The following ZC3H3 variants were observed in gnomAD, a reference collection of about 807,000 sequenced individuals.
ZC3H3 encodes the protein zinc finger CCCH-type containing 3, also known as zinc finger CCCH domain-containing protein 3.
A neutral mutation model predicts 77.3 loss-of-function variants in ZC3H3; 36 were observed. That is an observed-to-expected ratio of 0.47 (90% CI 0.36 to 0.61). The LOEUF is 0.61. Ranked by LOEUF, ZC3H3 falls within the 20% of genes least tolerant of loss-of-function variation. The pLI is 0.00. For missense variants in ZC3H3, 1,331 were observed against 1,312.2 expected (o/e 1.01, Z -0.22); for synonymous variants, 626 against 555.2 (o/e 1.13, Z -1.79).
intron 9 of ZC3H3, among the ~76,000 whole-genome samples, chr8:143,457,564 C>T (rs1202292824): frequency 2.3e-5 from 2 of 87,170 alleles, no homozygotes; most frequent in Non-Finnish European, 5.1e-5. Context: ...GACCTCATCC[C>T]TATAAAAAAA....
chr8:143,500,622 C>T (rs976433530), intron 4 of ZC3H3, among the ~76,000 whole-genome samples: 5 of 152,192 alleles, frequency 3.3e-5, no homozygotes, highest in African/African-American at 1.2e-4. Context: ...AGCATGGTGC[C>T]GGCACCAGGT....
chr8:143,449,141 G>C (rs572457457), intron 9 of ZC3H3, among the ~76,000 whole-genome samples: 1 of 152,350 alleles, frequency 6.6e-6, no homozygotes, highest in South Asian at 2.1e-4. Context: ...AGTGATGGGA[G>C]GGTCTGACAT....
rs374724220 is a variant in ZC3H3, at chr8:143,475,357, G to A, written c.1903+41C>T. Reference sequence around the variant, plus strand: ...CTGCAATGCCCACCACACGCTAGCCGGTCGGTGTCATCTCCCAGCGCCCCC... The same window carrying A: ...CTGCAATGCCCACCACACGCTAGCCAGTCGGTGTCATCTCCCAGCGCCCCC... On this transcript the variant is annotated intron_variant, in intron 5 of 11. Transcript: ENST00000262577. The A allele has an allele frequency of 8.3e-5, 132 of 1,588,212 alleles. No individual in the cohort carries two copies. The African/African-American group carries it at 1.1e-3, about 14-fold the overall frequency.
intron 9 of ZC3H3, among the ~76,000 whole-genome samples, chr8:143,457,343 C>A (rs1434196765): frequency 6.6e-6 from 1 of 152,168 alleles, no homozygotes; most frequent in Non-Finnish European, 1.5e-5. Context: ...ATAGGCAATA[C>A]TCTGGTTTCT....
At chr8:143,478,166 G>A (rs1187819996) in intron 4 of ZC3H3, among the ~76,000 whole-genome samples, 1 of 152,206 alleles carries the variant, frequency 6.6e-6, no homozygotes, top group African/African-American at 2.4e-5. Flanking sequence ...GAGATGGTTG[G>A]GAGGGAGGCC....
chr8:143,515,783 C>G (rs1264045074), intron 3 of ZC3H3, among the ~76,000 whole-genome samples: 1 of 152,252 alleles, frequency 6.6e-6, no homozygotes, highest in East Asian at 1.9e-4. Context: ...CAGGCAGGGG[C>G]TGGGCCAAGG....
chr8:143,440,678 G>T (rs1207292869), intron 10 of ZC3H3, among the ~76,000 whole-genome samples: 1 of 152,196 alleles, frequency 6.6e-6, no homozygotes, highest in Non-Finnish European at 1.5e-5. Context: ...CCTCCCACCC[G>T]GTCCCAGTGA....
intron 4 of ZC3H3, 65 bp downstream of exon 4, chr8:143,507,681 C>T: frequency 7.0e-7 from 1 of 1,425,464 alleles, no homozygotes. Context: ...TACCCTGCAG[C>T]CCTCAGGGCA....
chr8:143,489,020 C>T (rs1181637159), intron 4 of ZC3H3, among the ~76,000 whole-genome samples: 1 of 152,214 alleles, frequency 6.6e-6, no homozygotes, highest in Non-Finnish European at 1.5e-5. Context: ...CCCCCTCTGT[C>T]CCCCAAGCCA....
chr8:143,531,555 C>T (rs1271848949), intron 3 of ZC3H3, among the ~76,000 whole-genome samples: 1 of 152,196 alleles, frequency 6.6e-6, no homozygotes, highest in Admixed American at 6.5e-5. Context: ...TCAATTAAAG[C>T]GATTATCTGT....
chr8:143,465,657 G>A, intron 9 of ZC3H3, 60 bp downstream of exon 9: 1 of 1,600,490 alleles, frequency 6.2e-7, no homozygotes, highest in Non-Finnish European at 8.5e-7. Flanking sequence ...ACCCAGGAGT[G>A]AGCAGAGGAC....
At chr8:143,507,964 G>GCCA in intron 3 of ZC3H3, 65 bp from the exon 4 acceptor site, 1 of 1,468,216 alleles carries the variant, frequency 6.8e-7, no homozygotes, top group Non-Finnish European at 9.1e-7. Context: ...GGTCAGAGAG[G>GCCA]CCACCCACAG....
rs553055513 is a variant in ZC3H3 at position 143,477,720 on chromosome 8, T to C, written c.1716-2135A>G. On this transcript the variant is annotated intron_variant, in intron 4 of 11. Transcript: ENST00000262577. ...GGCCACTACCTGGGGGACACTCAGC[T>C]TGACCCCAAATCCCAGTCAGGCTGA... is the stretch of plus-strand genomic sequence containing the variant. Among the ~76,000 whole-genome samples the C allele has an allele frequency of 2.0e-5, 3 of 152,324 alleles. No homozygotes were observed. The South Asian group carries it at 6.2e-4, about 32-fold the overall frequency.
At chr8:143,471,645 G>A (rs974395662) in intron 5 of ZC3H3, among the ~76,000 whole-genome samples, 8 of 152,204 alleles carry the variant, frequency 5.3e-5, no homozygotes, top group Admixed American at 5.2e-4. Flanking sequence ...GGTGGCAGGC[G>A]GGCCCAGGAG....
intron 4 of ZC3H3, among the ~76,000 whole-genome samples, chr8:143,504,461 C>T (rs936033726): frequency 6.6e-6 from 1 of 152,214 alleles, no homozygotes; most frequent in African/African-American, 2.4e-5. Flanking sequence ...TTGGGCAGGG[C>T]CCAGTCCCAT....
intron 9 of ZC3H3, among the ~76,000 whole-genome samples, chr8:143,450,648 G>A (rs1340802551): frequency 6.6e-6 from 1 of 152,154 alleles, no homozygotes; most frequent in African/African-American, 2.4e-5. Flanking sequence ...GTCGAGAGAG[G>A]GGGCTGGAGC....
chr8:143,539,107 G>A lies in ZC3H3; in HGVS notation c.260C>T (p.Pro87Leu). 6.2e-7 allele frequency: 1 copy of A among 1,612,914 alleles called. No homozygotes were observed. The highest frequency in any genetic ancestry group is 1.3e-5 in the African/African-American group (1 of 75,020). Reference protein sequence around the residue: ...VNRPPGPSDPPADHAVRPLHG... With the variant: ...VNRPPGPSDPLADHAVRPLHG... Reference sequence around the variant, plus strand: ...CAACGGCCGCACAGCATGGTCGGCAGGAGGGTCTGAGGGTCCCGGGGGCCG... The same window carrying A: ...CAACGGCCGCACAGCATGGTCGGCAAGAGGGTCTGAGGGTCCCGGGGGCCG... Residue 87 changes from proline (P) to leucine (L), a missense_variant, in exon 2 of 12, where the codon CCT becomes CTT. Transcript: ENST00000262577.
intron 4 of ZC3H3, among the ~76,000 whole-genome samples, chr8:143,504,424 C>T (rs977488337): frequency 6.6e-6 from 1 of 152,178 alleles, no homozygotes; most frequent in African/African-American, 2.4e-5. Context: ...ACTGCGGCAG[C>T]CTGTGTTACT....
In ZC3H3 at chr8:143,538,308, G is replaced by C. The variant is rs1323497236; in HGVS notation, c.1059C>G (p.Leu353=). ...GMANKVEKPQ[L]IADPEPKPRK... ...TGGGCTTGGGCTCTGGGTCAGCTATGAGCTGCGGCTTCTCCACCTTGTTTG... is the reference window on the plus strand; with the variant it reads ...TGGGCTTGGGCTCTGGGTCAGCTATCAGCTGCGGCTTCTCCACCTTGTTTG... Residue 353 remains leucine (L), a synonymous_variant, in exon 2 of 12, where the codon CTC becomes CTG. Transcript: ENST00000262577. 6.2e-7 allele frequency: 1 copy of C among 1,612,866 alleles called. No homozygotes were observed. Among genetic ancestry groups the C allele is most frequent in the Non-Finnish European group, 8.5e-7 (1 of 1,180,042 alleles).
Sources: gnomAD v4.1 joint callset for allele counts (sites outside exome capture counted in the v4.1 genomes callset) on GRCh38, gnomAD v4.1.1 for gene constraint, MANE v1.5 for transcripts, NCBI Gene and HGNC (gene_info 2026-07-23, HGNC 2026-07-21) for gene names.